Variants in ZNF577 observed in about 807,000 individuals in gnomAD.
The protein encoded by ZNF577 is zinc finger protein 577.
Under a neutral mutation model 13.9 loss-of-function variants are expected in ZNF577, and 14 were observed. That is an observed-to-expected ratio of 1.00 (90% confidence interval 0.66 to 1.57). The LOEUF is 1.57. ZNF577 is among the 40% of genes most tolerant of loss of function. ZNF577 has a pLI of 0.00. For synonymous variants in ZNF577, 203 were observed against 202.9 expected, an observed-to-expected ratio of 1.00 and a Z score of 0.00; for missense variants, 555 against 579.2, an observed-to-expected ratio of 0.96 and a Z score of 0.43.
intron 5 of ZNF577, among the ~76,000 whole-genome samples, chr19:51,859,109 TG>T (rs2084470462): frequency 6.6e-6 from 1 of 152,226 alleles, no homozygotes; most frequent in Non-Finnish European, 1.5e-5. Context: ...AATTTGCATT[TG>T]GCTTCTTTCA....
rs73063009 is a variant in ZNF577 at position 51,834,090 on chromosome 19, C to A, written c.*599+5803G>T. Among the ~76,000 whole-genome samples, 356 of 151,760 alleles carry A rather than the reference C, an allele frequency of 2.3e-3. 1 individual carries two copies. The highest frequency in any genetic ancestry group is 4.5e-3 in the Non-Finnish European group (304 of 67,940). The stretch of plus-strand genomic sequence containing the variant: ...TTTTTTCTAGCCACTTATGTAGCTA[C>A]AAAAATAGTACTGGAGTAGGGGCAG... On this transcript the variant is annotated intron_variant and NMD_transcript_variant, in intron 9 of 10. Transcript: ENST00000638827.
intron 5 of ZNF577, 21 bp from the exon 6 acceptor site, chr19:51,873,727 T>C (rs757917243): frequency 6.0e-5 from 94 of 1,560,074 alleles, no homozygotes; most frequent in Middle Eastern, 5.1e-4. Context: ...TTTCAAACTT[T>C]TACAATGCGA....
At chr19:51,816,221 C>G (rs1200461274) in intron 9 of ZNF577, among the ~76,000 whole-genome samples, 1 of 152,204 alleles carries the variant, frequency 6.6e-6, no homozygotes, top group Admixed American at 6.5e-5. Flanking sequence ...CCCTATGCAT[C>G]TATTTTGACT....
At chr19:51,877,079 A>T (rs1215454138) in intron 5 of ZNF577, among the ~76,000 whole-genome samples, 1 of 152,230 alleles carries the variant, frequency 6.6e-6, no homozygotes, top group African/African-American at 2.4e-5. Flanking sequence ...AATCAGATCC[A>T]GAAAATAGAA....
intron 5 of ZNF577, among the ~76,000 whole-genome samples, chr19:51,854,589 T>C (rs974248007): frequency 2.6e-5 from 4 of 151,386 alleles, no homozygotes; most frequent in Admixed American, 2.0e-4. Flanking sequence ...CAATCTCAGC[T>C]TCCCAAAGTA....
chr19:51,805,406 G>T (rs1292810880), intron 10 of ZNF577, among the ~76,000 whole-genome samples: 8 of 152,208 alleles, frequency 5.3e-5, no homozygotes, highest in Non-Finnish European at 5.9e-5. Context: ...ATTCTTGAGT[G>T]TGCCTATTTA....
chr19:51,879,119 T>A (rs1292577396), intron 3 of ZNF577, among the ~76,000 whole-genome samples: 1 of 152,000 alleles, frequency 6.6e-6, no homozygotes, highest in East Asian at 1.9e-4. Context: ...TAGCTGGGCA[T>A]GGTGGTGGGC....
At chr19:51,880,598 C>G in intron 2 of ZNF577, 81 bp downstream of exon 2, 3 of 582,430 alleles carry the variant, frequency 5.2e-6, no homozygotes, top group African/African-American at 1.9e-5. Context: ...CATACACTAT[C>G]TCATTTAACC....
intron 5 of ZNF577, among the ~76,000 whole-genome samples, chr19:51,854,533 T>C (rs1475223030): frequency 6.9e-6 from 1 of 144,086 alleles, no homozygotes; most frequent in Non-Finnish European, 1.5e-5. Flanking sequence ...GGGGTCTCGC[T>C]ATGTTGCCCA....
chr19:51,843,268 C>T, exon 7 of ZNF577: 1 of 155,950 alleles, frequency 6.4e-6, no homozygotes. Context: ...ATAGATTCCA[C>T]TCCTCCCAGG....
intron 9 of ZNF577, among the ~76,000 whole-genome samples, chr19:51,813,119 A>AACACACAC (rs35245083): frequency 0.01 from 1,425 of 137,178 alleles, 25 homozygotes; most frequent in Admixed American, 0.051. Context: ...GCTCTGTCTC[A>AACACACAC]ACACACACAC....
chr19:51,863,802 C>A (rs992138698), downstream of ZNF577, among the ~76,000 whole-genome samples: 1 of 152,116 alleles, frequency 6.6e-6, no homozygotes. Flanking sequence ...AATATTCACC[C>A]AATGCCATTC....
chr19:51,877,149 A>T (rs2084778007), intron 5 of ZNF577, 133 bp downstream of exon 5: 4 of 653,122 alleles, frequency 6.1e-6, no homozygotes, highest in Non-Finnish European at 1.1e-5. Flanking sequence ...AGATGCAGAA[A>T]GGCTGATTAG....
At position 51,872,497 on chromosome 19, in the gene ZNF577, C is replaced by A. The variant is rs755901432; in HGVS notation, c.*35G>T. On this transcript the variant is annotated 3_prime_UTR_variant, in exon 6 of 6. Coordinates refer to ENST00000638348, the MANE Select transcript of ZNF577 (RefSeq NM_001370449.1). ...GGATATAATGGCTGGAGGATTCCTA[C>A]TAAAGATTTTCCCACCTTTCTGGTA... The A allele has an allele frequency of 8.1e-6, 12 of 1,478,950 alleles. No homozygotes were observed. Among genetic ancestry groups the A allele is most frequent in the Non-Finnish European group, 3.6e-6 (4 of 1,109,094 alleles). The allele number at this position is 1,478,950 out of a possible 1,614,324, so 91.6% of individuals were successfully genotyped here.
Position 51,872,444 on chromosome 19 carries a change from AGT to A in ZNF577, c.*86_*87del. 1 of 1,095,926 alleles carries A rather than the reference AGT, an allele frequency of 9.1e-7. No individual in the cohort carries two copies. Among genetic ancestry groups the A allele is most frequent in the Non-Finnish European group, 1.3e-6 (1 of 787,944 alleles). 67.9% of individuals were successfully genotyped at this position (1,095,926 alleles called of 1,614,324 possible). A position where few individuals can be genotyped will look rare whatever the true frequency, so the allele number is the denominator to read the frequency against. ...TGTCCTCCACAACCACTGCCTCCAC[AGT>A]GTTTCAGCCCTAAATGAGCTCTCTG... On this transcript the variant is annotated 3_prime_UTR_variant, in exon 6 of 6. Transcript: ENST00000638348.
downstream of ZNF577, among the ~76,000 whole-genome samples, chr19:51,866,039 C>G (rs1568444879): frequency 6.6e-6 from 1 of 151,624 alleles, no homozygotes; most frequent in African/African-American, 2.4e-5. Flanking sequence ...TGCTTGAACT[C>G]GGGAGGCAGA....
Position 51,824,970 on chromosome 19 carries a change from A to C in ZNF577, c.*600-13296T>G. On this transcript the variant is annotated intron_variant and NMD_transcript_variant, in intron 9 of 10. Transcript: ENST00000638827. The surrounding 1 kb of genome is among the most constrained non-coding windows in gnomAD (Gnocchi z 4.7). ...CTGTAGGGGGTTTTTCCCACAACCAAGCAATAGACACCAGCTGGGTGTCCT... is the reference window on the plus strand; with the variant it reads ...CTGTAGGGGGTTTTTCCCACAACCACGCAATAGACACCAGCTGGGTGTCCT... 1 of 623,260 alleles carries C rather than the reference A, an allele frequency of 1.6e-6. No individual in the cohort carries two copies. Among genetic ancestry groups the C allele is most frequent in the Non-Finnish European group, 2.9e-6 (1 of 349,038 alleles). The allele number at this position is 623,260 out of a possible 1,614,324, so 38.6% of individuals were successfully genotyped here.
rs1284974031 is a variant in ZNF577, at chr19:51,872,791, A to T, written c.1199T>A (p.Met400Lys). 4 of 1,614,220 alleles carry T rather than the reference A, an allele frequency of 2.5e-6. No homozygotes were observed. The highest frequency in any genetic ancestry group is 3.4e-6 in the Non-Finnish European group (4 of 1,180,042). Residue 400 changes from methionine to lysine, a missense_variant, in exon 6 of 6, where the codon ATG becomes AAG. By Grantham distance (95) the Met-to-Lys change is moderately conservative. Transcript: ENST00000638348. ...PSSRSHTSLY[M>K]SELIQEQKTV... ...CTTTTGCTCTTGTATGAGTTCGCTCATGTATAAGGAGGTATGACTCCTTGA... is the reference window on the plus strand; with the variant it reads ...CTTTTGCTCTTGTATGAGTTCGCTCTTGTATAAGGAGGTATGACTCCTTGA...
intron 5 of ZNF577, among the ~76,000 whole-genome samples, chr19:51,848,909 G>A (rs1158738974): frequency 6.6e-6 from 1 of 152,028 alleles, no homozygotes; most frequent in Non-Finnish European, 1.5e-5. Flanking sequence ...GTCTAGTTTT[G>A]GTGTCAAGAT....
Sources: gnomAD v4.1 joint callset for allele counts (sites outside exome capture counted in the v4.1 genomes callset) on GRCh38, gnomAD v4.1.1 for gene constraint, Gnocchi (gnomAD v3.1) non-coding constraint, MANE v1.5 for transcripts, NCBI Gene and HGNC (gene_info 2026-07-23, HGNC 2026-07-21) for gene names.